SEC14L1: variants seen among roughly 807,000 people sequenced by gnomAD.
The protein encoded by SEC14L1 is SEC14-like protein 1.
SEC14L1 carries 48 observed loss-of-function variants against 85.3 expected under a neutral mutation model. The ratio of observed to expected loss-of-function variants is 0.56; its 90% CI spans 0.45 to 0.72. The LOEUF (loss-of-function observed/expected upper bound fraction) is 0.72. Among genes scored for constraint, SEC14L1 ranks in the 30% least tolerant of loss-of-function variants. The pLI is 0.00. For missense variants in SEC14L1, 682 were observed against 921.4 expected (o/e 0.74, Z 3.36); for synonymous variants, 391 against 355.5 (o/e 1.10, Z -1.12).
At chr17:77,190,752 A>G in intron 3 of SEC14L1, 51 bp from the exon 4 acceptor site, 1 of 1,599,870 alleles carries the variant, frequency 6.3e-7, no homozygotes, top group Admixed American at 1.7e-5. Flanking sequence ...GCGGCAGGAC[A>G]TCAGGTTGTG....
intron 11 of SEC14L1, 89 bp downstream of exon 11, chr17:77,205,435 T>C (rs940786410): frequency 2.6e-5 from 31 of 1,195,962 alleles, no homozygotes; most frequent in African/African-American, 7.6e-5. Context: ...AATCTACTTA[T>C]TATTTTCCAA....
chr17:77,176,685 C>T (rs1974773195), intron 3 of SEC14L1, among the ~76,000 whole-genome samples: 1 of 152,186 alleles, frequency 6.6e-6, no homozygotes, highest in Admixed American at 6.5e-5. Flanking sequence ...CTCCCAGGTT[C>T]AAGTGATTCT....
intron 9 of SEC14L1, among the ~76,000 whole-genome samples, chr17:77,201,576 G>A (rs916237252): frequency 1.3e-5 from 2 of 150,782 alleles, no homozygotes; most frequent in Non-Finnish European, 2.9e-5. Context: ...TCAGCCTCCC[G>A]AGTAGTTGGG....
At chr17:77,171,552 A>T (rs551668033) in intron 3 of SEC14L1, among the ~76,000 whole-genome samples, 2 of 152,340 alleles carry the variant, frequency 1.3e-5, no homozygotes, top group East Asian at 3.9e-4. Flanking sequence ...TAGATTTTCT[A>T]ATACTTGAAT....
At chr17:77,106,997 G>T (rs935547106) in intron 3 of SEC14L1, among the ~76,000 whole-genome samples, 4 of 152,190 alleles carry the variant, frequency 2.6e-5, no homozygotes, top group East Asian at 1.9e-4. Flanking sequence ...GCAGTAATTT[G>T]CATATCACCT....
At position 77,213,098 on chromosome 17, in the gene SEC14L1, G is replaced by A. The variant is rs115000811; in HGVS notation, c.1864-216G>A. Reference sequence around the variant, plus strand: ...CCACGGACATGGAGCTTGTCCCTCCGGGCTTCCCAGCACCCGGGAGTGACC... The same window carrying A: ...CCACGGACATGGAGCTTGTCCCTCCAGGCTTCCCAGCACCCGGGAGTGACC... On this transcript the variant is annotated intron_variant, in intron 15 of 16. Transcript: ENST00000436233. This position sits in a 1 kb window ranked among gnomAD's most constrained non-coding sequence, Gnocchi z 7.1. Among the ~76,000 whole-genome samples the A allele has an allele frequency of 9.6e-4, 147 of 152,334 alleles. 1 individual carries two copies. The highest frequency in any genetic ancestry group is 3.3e-3 in the African/African-American group (136 of 41,572).
At chr17:77,201,924 C>G (rs1976167756) in intron 9 of SEC14L1, among the ~76,000 whole-genome samples, 1 of 152,206 alleles carries the variant, frequency 6.6e-6, no homozygotes, top group Admixed American at 6.5e-5. Flanking sequence ...CCCTCTAACC[C>G]TCTGCCCCAT....
chr17:77,206,648 C>A lies in SEC14L1; in HGVS notation c.1342-80C>A. The A allele has an allele frequency of 6.6e-7, 1 of 1,509,112 alleles. No individual in the cohort carries two copies. Among genetic ancestry groups the A allele is most frequent in the Non-Finnish European group, 9.0e-7 (1 of 1,115,576 alleles). 93.5% of individuals were successfully genotyped at this position (1,509,112 alleles called of 1,614,324 possible). On this transcript the variant is annotated intron_variant, in intron 12 of 16. Transcript: ENST00000436233. This position sits in a 1 kb window ranked among gnomAD's most constrained non-coding sequence, Gnocchi z 4.3. Reference sequence around the variant, plus strand: ...AATGTCTTCCCCCCACCCTCCCACTCAGAATACCACATTGTCATTTTAATC... The same window carrying A: ...AATGTCTTCCCCCCACCCTCCCACTAAGAATACCACATTGTCATTTTAATC...
chr17:77,147,101 C>T (rs1973347877), intron 3 of SEC14L1, among the ~76,000 whole-genome samples: 1 of 152,218 alleles, frequency 6.6e-6, no homozygotes, highest in South Asian at 2.1e-4. Flanking sequence ...GCAGGAGTGG[C>T]CGGCAGTGCC....
chr17:77,191,413 G>A lies in SEC14L1; in HGVS notation c.345+101G>A. The A allele has an allele frequency of 3.0e-6, 4 of 1,327,010 alleles. No individual in the cohort carries two copies. The South Asian group carries it at 5.1e-5, about 17-fold the overall frequency. The allele number at this position is 1,327,010 out of a possible 1,614,324, so 82.2% of individuals were successfully genotyped here. A position where few individuals can be genotyped will look rare whatever the true frequency, so the allele number is the denominator to read the frequency against. ...ACAGTGCATCTTTTTGTCTTAGAGG[G>A]CAGTTCTTCATTAGATGTTGTCACT... On this transcript the variant is annotated intron_variant, in intron 5 of 16. Coordinates refer to ENST00000436233, the MANE Select transcript of SEC14L1 (RefSeq NM_001143998.2).
chr17:77,107,408 C>A (rs997442319), intron 3 of SEC14L1, among the ~76,000 whole-genome samples: 1 of 152,122 alleles, frequency 6.6e-6, no homozygotes, highest in Non-Finnish European at 1.5e-5. Context: ...AAAGAGTCTC[C>A]TTCGTGTAGT....
At chr17:77,150,113 C>T (rs946230558) in intron 3 of SEC14L1, among the ~76,000 whole-genome samples, 1 of 152,182 alleles carries the variant, frequency 6.6e-6, no homozygotes, top group African/African-American at 2.4e-5. Flanking sequence ...CGCTCTCCTG[C>T]TCCTCTTGCT....
intron 3 of SEC14L1, among the ~76,000 whole-genome samples, chr17:77,119,376 T>G (rs1972247032): frequency 6.6e-6 from 1 of 151,576 alleles, no homozygotes; most frequent in Non-Finnish European, 1.5e-5. Context: ...TACGGGCGAA[T>G]TCCAGACTCT....
chr17:77,193,603 A>G, intron 6 of SEC14L1, 54 bp downstream of exon 6: 2 of 1,557,418 alleles, frequency 1.3e-6, no homozygotes, highest in Admixed American at 1.8e-5. Context: ...CTCTGAGATG[A>G]CCATCTTTTT....
At chr17:77,191,954 GC>G (rs1209371866) in intron 5 of SEC14L1, among the ~76,000 whole-genome samples, 3 of 151,916 alleles carry the variant, frequency 2.0e-5, no homozygotes, top group African/African-American at 7.2e-5. Flanking sequence ...TCGCCACCAC[GC>G]CCGGCTAATT....
intron 3 of SEC14L1, among the ~76,000 whole-genome samples, chr17:77,123,136 G>A (rs1292827001): frequency 4.0e-5 from 6 of 150,456 alleles, no homozygotes; most frequent in Non-Finnish European, 5.9e-5. Context: ...TGAAACCTCC[G>A]CCTCCCTGCT....
chr17:77,160,587 G>A (rs1043843988), intron 3 of SEC14L1, among the ~76,000 whole-genome samples: 23 of 152,222 alleles, frequency 1.5e-4, no homozygotes, highest in African/African-American at 4.8e-4. Flanking sequence ...GGCATGCAAA[G>A]TATTTGACAT....
At chr17:77,090,693 G>A (rs148444968) in intron 2 of SEC14L1, among the ~76,000 whole-genome samples, 127 of 151,126 alleles carry the variant, frequency 8.4e-4, no homozygotes, top group Non-Finnish European at 1.5e-3. Context: ...GGGAAATGAA[G>A]CTAAAAAGGT....
intron 13 of SEC14L1, among the ~76,000 whole-genome samples, chr17:77,207,258 G>T (rs1598401275): frequency 1.8e-5 from 1 of 54,808 alleles, no homozygotes; most frequent in South Asian, 7.9e-4. Flanking sequence ...TATGGAGACA[G>T]GGTCCGGCTC....
Sources: gnomAD v4.1 joint callset for allele counts (sites outside exome capture counted in the v4.1 genomes callset) on GRCh38, gnomAD v4.1.1 for gene constraint, Gnocchi (gnomAD v3.1) non-coding constraint, MANE v1.5 for transcripts, NCBI Gene and HGNC (gene_info 2026-07-23, HGNC 2026-07-21) for gene names.